The following GRK5 variants were observed in gnomAD, a reference collection of about 807,000 sequenced individuals.
GRK5 encodes g protein-coupled receptor kinase GRK5.
In GRK5, 40 loss-of-function variants were observed where a neutral mutation model predicts 78.4. The ratio of observed to expected loss-of-function variants is 0.51; its 90% CI spans 0.40 to 0.66. The LOEUF (loss-of-function observed/expected upper bound fraction) is 0.66, where lower values mean the gene tolerates loss of function less well. GRK5 is among the 30% of genes least tolerant of loss of function. The probability of loss-of-function intolerance (pLI) is 0.00; values close to 1 mark genes in which losing one functional copy is unlikely to be tolerated. For missense variants in GRK5, 598 were observed against 759.9 expected, an observed-to-expected ratio of 0.79 and a Z score of 2.50; for synonymous variants, 289 against 296.8, an observed-to-expected ratio of 0.97 and a Z score of 0.27.
chr10:119,311,188 C>G (rs905754254), intron 1 of GRK5, among the ~76,000 whole-genome samples: 1 of 152,184 alleles, frequency 6.6e-6, no homozygotes, highest in Non-Finnish European at 1.5e-5. Flanking sequence ...CCTGCCTCGC[C>G]CATCTGTTTA....
chr10:119,396,231 A>G (rs1284868330), intron 3 of GRK5, among the ~76,000 whole-genome samples: 2 of 152,246 alleles, frequency 1.3e-5, no homozygotes, highest in Non-Finnish European at 2.9e-5. Flanking sequence ...GTCTACGATC[A>G]CACAGCTTAC....
intron 1 of GRK5, among the ~76,000 whole-genome samples, chr10:119,209,691 A>G (rs1315571322): frequency 1.3e-5 from 2 of 151,542 alleles, no homozygotes; most frequent in Non-Finnish European, 2.9e-5. Flanking sequence ...GTATCTCAGG[A>G]TTCGGGGGCT....
intron 4 of GRK5, among the ~76,000 whole-genome samples, chr10:119,397,824 T>G (rs1197015377): frequency 6.6e-6 from 1 of 152,240 alleles, no homozygotes; most frequent in Admixed American, 6.5e-5. Context: ...AGTGTTGCCC[T>G]TTGTCACGCC....
chr10:119,441,301 G>A (rs567340860), intron 10 of GRK5, among the ~76,000 whole-genome samples: 63 of 152,346 alleles, frequency 4.1e-4, no homozygotes, highest in African/African-American at 1.4e-3. Context: ...CTGGAGGGAT[G>A]GGGGTGGGGC....
chr10:119,255,940 C>T (rs1344937208), intron 1 of GRK5, among the ~76,000 whole-genome samples: 2 of 152,328 alleles, frequency 1.3e-5, no homozygotes, highest in East Asian at 3.9e-4. Context: ...AGGAATGACA[C>T]AGGAGCTGGC....
intron 3 of GRK5, among the ~76,000 whole-genome samples, chr10:119,395,909 C>T (rs985610458): frequency 6.6e-5 from 10 of 152,074 alleles, no homozygotes; most frequent in Non-Finnish European, 1.0e-4. Flanking sequence ...CACCTACAGA[C>T]GAGGGGTTGG....
chr10:119,250,731 G>C lies in GRK5; in HGVS notation c.52+42762G>C, dbSNP rs555454271. Among the ~76,000 whole-genome samples, 10 of 152,258 alleles carry C rather than the reference G, an allele frequency of 6.6e-5. No individual in the cohort carries two copies. In the South Asian group the frequency reaches 2.1e-3, roughly 32 times the overall value. The stretch of plus-strand genomic sequence containing the variant: ...CAGAGCTACACACAAAATTGGAAGT[G>C]AACGTTGGAGAAAGTGGCTTAGTCA... On this transcript the variant is annotated intron_variant, in intron 1 of 15. Transcript: ENST00000392870.
intron 2 of GRK5, among the ~76,000 whole-genome samples, chr10:119,337,642 A>G (rs7070459): frequency 0.11 from 16,113 of 151,672 alleles, 1,617 homozygotes; most frequent in African/African-American, 0.26. Flanking sequence ...TTTTTGAGAC[A>G]GAGTTTTGCT....
At chr10:119,398,853 T>C (rs934693705) in intron 4 of GRK5, among the ~76,000 whole-genome samples, 4 of 152,236 alleles carry the variant, frequency 2.6e-5, no homozygotes, top group Non-Finnish European at 4.4e-5. Context: ...GTCCTGCCAC[T>C]GTCTGTGGCC....
intron 1 of GRK5, among the ~76,000 whole-genome samples, chr10:119,257,437 G>A (rs1157258871): frequency 6.6e-6 from 1 of 152,222 alleles, no homozygotes; most frequent in Admixed American, 6.5e-5. Context: ...AAAGTGCTGG[G>A]GCAGGGGCCG....
intron 11 of GRK5, among the ~76,000 whole-genome samples, chr10:119,442,793 T>C (rs1337966604): frequency 1.3e-5 from 2 of 152,220 alleles, no homozygotes; most frequent in South Asian, 2.1e-4. Flanking sequence ...CCTTTTCAGA[T>C]TGCATGACAT....
At chr10:119,349,020 C>A (rs999981805) in intron 2 of GRK5, among the ~76,000 whole-genome samples, 4 of 152,176 alleles carry the variant, frequency 2.6e-5, no homozygotes, top group African/African-American at 9.7e-5. Flanking sequence ...AGGCAATCTT[C>A]CGTCACCCTC....
chr10:119,394,169 AGT>A (rs1171204213), intron 3 of GRK5, among the ~76,000 whole-genome samples: 4 of 18,438 alleles, frequency 2.2e-4, no homozygotes, highest in East Asian at 2.0e-3. Flanking sequence ...TGTGGGTTTG[AGT>A]GTGTGTGTGG....
intron 1 of GRK5, among the ~76,000 whole-genome samples, chr10:119,323,811 C>T (rs1589744788): frequency 6.6e-6 from 1 of 152,170 alleles, no homozygotes; most frequent in South Asian, 2.1e-4. Flanking sequence ...GCGAGGTACA[C>T]TGTAGCTAGT....
rs1292927216 is a variant in GRK5 at position 119,423,172 on chromosome 10, GT to G, written c.350del (p.Phe117SerfsTer2). On this transcript the variant is annotated frameshift_variant, in exon 5 of 16. Coordinates refer to ENST00000392870, the MANE Select transcript of GRK5 (RefSeq NM_005308.3). LOFTEE classifies it high-confidence loss of function. ...MTKYLTPKSP[V>X]FIAQVGQDLV... ...CTTCCCTTCCTTCTTCCAGTCCCCTGTTTTCATAGCCCAAGTTGGCCAAGAC... is the reference window on the plus strand; with the variant it reads ...CTTCCCTTCCTTCTTCCAGTCCCCTGTTTCATAGCCCAAGTTGGCCAAGAC... 6.2e-7 allele frequency: 1 copy of G among 1,612,682 alleles called. No homozygotes were observed. The highest frequency in any genetic ancestry group is 8.5e-7 in the Non-Finnish European group (1 of 1,178,662).
chr10:119,272,283 C>T (rs998262123), intron 1 of GRK5, among the ~76,000 whole-genome samples: 1 of 152,132 alleles, frequency 6.6e-6, no homozygotes, highest in South Asian at 2.1e-4. Context: ...ATGTGTAAAG[C>T]TGAGTGCATG....
At chr10:119,214,730 G>C (rs1224703213) in intron 1 of GRK5, among the ~76,000 whole-genome samples, 1 of 152,132 alleles carries the variant, frequency 6.6e-6, no homozygotes, top group Non-Finnish European at 1.5e-5. Flanking sequence ...CTGTTGCCCA[G>C]GTTGGTCTCT....
chr10:119,289,710 G>A (rs1249293076), intron 1 of GRK5, among the ~76,000 whole-genome samples: 1 of 152,180 alleles, frequency 6.6e-6, no homozygotes, highest in Non-Finnish European at 1.5e-5. Context: ...CCCAGCAGTG[G>A]TTTGCTGAAG....
At chr10:119,382,188 C>CAGCTCTGCCTTGGGCTTAGGGG (rs1851722165) in intron 3 of GRK5, among the ~76,000 whole-genome samples, 1 of 141,394 alleles carries the variant, frequency 7.1e-6, no homozygotes, top group Non-Finnish European at 1.6e-5. Context: ...CTCCCCTCTG[C>CAGCTCTGCCTTGGGCTTAGGGG]AGGCTCTGCC....
Sources: allele counts gnomAD v4.1 joint callset (sites outside exome capture counted in the v4.1 genomes callset), GRCh38; gene constraint gnomAD v4.1.1; transcripts MANE v1.5; gene names NCBI Gene and HGNC (gene_info 2026-07-23, HGNC 2026-07-21).